PSMG2: variants seen among roughly 807,000 people sequenced by gnomAD.
PSMG2 encodes the protein proteasome assembly chaperone 2, also known as CD40 ligand-activated specific transcript 3.
Under a neutral mutation model 31.5 loss-of-function variants are expected in PSMG2, and 21 were observed. The ratio of observed to expected loss-of-function variants is 0.67; its 90% CI spans 0.47 to 0.96. PSMG2 has a LOEUF of 0.96. PSMG2 is among the 40% of genes least tolerant of loss of function. The probability of loss-of-function intolerance (pLI) is 0.00; values close to 1 mark genes in which losing one functional copy is unlikely to be tolerated. For synonymous variants in PSMG2, 120 were observed against 110.4 expected (o/e 1.09, Z -0.54); for missense variants, 318 against 321.2 (o/e 0.99, Z 0.08).
intron 2 of PSMG2, among the ~76,000 whole-genome samples, chr18:12,710,103 C>T (rs1052981119): frequency 1.3e-5 from 2 of 151,924 alleles, no homozygotes; most frequent in Admixed American, 6.6e-5. Context: ...CCATCACGCC[C>T]GGCTACTTTT....
intron 1 of PSMG2, chr18:12,684,820 C>T (rs775249621): frequency 6.6e-6 from 1 of 151,834 alleles, no homozygotes; most frequent in Non-Finnish European, 1.5e-5. Context: ...ATACTATCAA[C>T]ATTTTTAGAA....
At position 12,712,685 on chromosome 18, in the gene PSMG2, T is replaced by C; in HGVS notation, c.230-17T>C. 2 of 1,569,712 alleles carry C rather than the reference T, an allele frequency of 1.3e-6. No individual in the cohort carries two copies. The highest frequency in any genetic ancestry group is 1.7e-6 in the Non-Finnish European group (2 of 1,146,534). On this transcript the variant is annotated splice_polypyrimidine_tract_variant and intron_variant, in intron 2 of 6. Coordinates refer to ENST00000317615, the MANE Select transcript of PSMG2 (RefSeq NM_020232.5). Reference sequence around the variant, plus strand: ...ACTTCACTGTCATATGATTTCATTTTCTTCTTGTTTTTATAGTGTATTCAT... The same window carrying C: ...ACTTCACTGTCATATGATTTCATTTCCTTCTTGTTTTTATAGTGTATTCAT...
At chr18:12,680,565 C>G (rs2039308564) in intron 1 of PSMG2, 2 of 919,220 alleles carry the variant, frequency 2.2e-6, no homozygotes, top group Admixed American at 5.6e-5. Context: ...CCAGTGCACT[C>G]CAGCCTGGGC....
At chr18:12,719,715 CTT>C (rs535226724) in intron 4 of PSMG2, among the ~76,000 whole-genome samples, 2 of 110,812 alleles carry the variant, frequency 1.8e-5, no homozygotes. Flanking sequence ...TTTTTTTCCT[CTT>C]TTTTTTTTTG....
At chr18:12,700,844 G>T, upstream of PSMG2, 1 of 709,470 alleles carries the variant, frequency 1.4e-6, no homozygotes, top group South Asian at 2.0e-5. Context: ...TAAACAGAAT[G>T]ACCTTGAAGT....
upstream of PSMG2, chr18:12,702,912 T>C (rs1011710640): frequency 4.9e-6 from 3 of 617,286 alleles, no homozygotes; most frequent in Non-Finnish European, 8.1e-6. Context: ...CTGGCCCCTC[T>C]TCGCGGCCAC....
Position 12,706,666 on chromosome 18 carries a change from C to G in PSMG2, c.174C>G (p.Asn58Lys), listed in dbSNP as rs1200840164. The change falls in exon 2 of 7, where the codon AAC (asparagine) becomes AAG (lysine). Residue 58 changes from asparagine (N) to lysine (K), a missense_variant. Physicochemically the swap from Asn to Lys is moderately conservative, Grantham distance 94. Transcript: ENST00000317615. ...YTDCLVPMVG[N>K]NPYATTEGNS... ...ATTGTCTTGTGCCAATGGTTGGAAA[C>G]AATCCATATGCGACCACAGAAGGAA... is the stretch of plus-strand genomic sequence containing the variant. The G allele has an allele frequency of 6.2e-7, 1 of 1,613,734 alleles. No homozygotes were observed.
chr18:12,725,361 G>A (rs759068195), intron 6 of PSMG2, 78 bp from the exon 7 acceptor site: 45 of 1,157,206 alleles, frequency 3.9e-5, no homozygotes, highest in Non-Finnish European at 4.6e-5. Context: ...AACACAAAAG[G>A]AGAGTTTTAT....
intron 1 of PSMG2, chr18:12,680,832 G>T (rs1303373737): frequency 6.2e-7 from 1 of 1,600,726 alleles, no homozygotes; most frequent in South Asian, 1.1e-5. Flanking sequence ...AGTCACCCTG[G>T]AAGATAAATT....
chr18:12,682,115 G>A (rs1286955775), intron 1 of PSMG2, among the ~76,000 whole-genome samples: 4 of 152,040 alleles, frequency 2.6e-5, no homozygotes, highest in African/African-American at 9.7e-5. Flanking sequence ...GACTACACGC[G>A]AAAGCAAAAA....
chr18:12,659,854 TTA>T (rs45587334), intron 1 of PSMG2, among the ~76,000 whole-genome samples: 10,857 of 152,248 alleles, frequency 0.071, 550 homozygotes, highest in Non-Finnish European at 0.1. Context: ...ATGTAATTCC[TTA>T]TGTGTGACAC....
rs145879612 is a variant in PSMG2, at chr18:12,716,103, G to A, written c.289-2414G>A. Among the ~76,000 whole-genome samples the A allele has an allele frequency of 1.1e-3, 170 of 152,218 alleles. 1 individual carries two copies. Among genetic ancestry groups the A allele is most frequent in the East Asian group, 6.9e-3 (36 of 5,182 alleles). Reference sequence around the variant, plus strand: ...TCATTCGTTCTCATTTCTCTGTGGTGTTAAGTTGTATACATAAGCCATAAT... The same window carrying A: ...TCATTCGTTCTCATTTCTCTGTGGTATTAAGTTGTATACATAAGCCATAAT... On this transcript the variant is annotated intron_variant, in intron 3 of 6. Coordinates refer to ENST00000317615, the MANE Select transcript of PSMG2 (RefSeq NM_020232.5).
At chr18:12,710,240 C>G (rs1174487881) in intron 2 of PSMG2, among the ~76,000 whole-genome samples, 1 of 152,216 alleles carries the variant, frequency 6.6e-6, no homozygotes, top group African/African-American at 2.4e-5. Flanking sequence ...CCACGCCCGC[C>G]CCTTTTAAAG....
chr18:12,698,887 CT>C (rs2040053633), upstream of PSMG2: 1 of 885,322 alleles, frequency 1.1e-6, no homozygotes, highest in East Asian at 2.6e-5. Context: ...CATTATAAAT[CT>C]CTCCTTACAG....
intron 1 of PSMG2, chr18:12,670,988 T>C (rs2038928049): frequency 6.6e-6 from 1 of 152,170 alleles, no homozygotes; most frequent in South Asian, 2.1e-4. Context: ...TCTACAGTCA[T>C]GTCAGTCTCA....
intron 1 of PSMG2, among the ~76,000 whole-genome samples, chr18:12,659,680 A>G (rs1355080112): frequency 6.6e-6 from 1 of 152,146 alleles, no homozygotes. Context: ...AAAAAAATAA[A>G]TAATAAATTG....
chr18:12,688,454 C>A (rs1048347415), intron 1 of PSMG2, among the ~76,000 whole-genome samples: 4 of 152,130 alleles, frequency 2.6e-5, no homozygotes, highest in African/African-American at 9.7e-5. Context: ...AGGACTGTTA[C>A]TCCTATTCTT....
rs2040341990 is a variant in PSMG2, at chr18:12,712,615, A to G, written c.230-87A>G. The stretch of plus-strand genomic sequence containing the variant: ...TTGAAAACATTTAAATGCAAAAGGT[A>G]TTATAATTCAATTTTTGTTTATCAT... On this transcript the variant is annotated intron_variant, in intron 2 of 6. Transcript: ENST00000317615. 7.5e-6 allele frequency: 7 copies of G among 932,704 alleles called. 1 individual carries two copies. Among genetic ancestry groups the G allele is most frequent in the South Asian group, 5.9e-5 (4 of 67,786 alleles). The allele number at this position is 932,704 out of a possible 1,614,324, so 57.8% of individuals were successfully genotyped here. A position where few individuals can be genotyped will look rare whatever the true frequency, so the allele number is the denominator to read the frequency against.
At chr18:12,691,966 G>A (rs1025844383) in intron 1 of PSMG2, among the ~76,000 whole-genome samples, 3 of 151,904 alleles carry the variant, frequency 2.0e-5, no homozygotes, top group African/African-American at 7.2e-5. Flanking sequence ...TGATCCGCCC[G>A]CCTTGGCCTC....
Sources: allele counts gnomAD v4.1 joint callset (sites outside exome capture counted in the v4.1 genomes callset), GRCh38; gene constraint gnomAD v4.1.1; transcripts MANE v1.5; gene names NCBI Gene and HGNC (gene_info 2026-07-23, HGNC 2026-07-21).